AGAP1: variants seen among roughly 807,000 people sequenced by gnomAD.
AGAP1 encodes arf-GAP with GTPase, ANK repeat and PH domain-containing protein 1.
Under a neutral mutation model 105.3 loss-of-function variants are expected in AGAP1, and 29 were observed. The ratio of observed to expected loss-of-function variants is 0.28; its 90% confidence interval spans 0.21 to 0.38. AGAP1 has a LOEUF of 0.38. Among genes scored for constraint, AGAP1 ranks in the 10% least tolerant of loss-of-function variants. AGAP1 has a pLI of 1.00. For synonymous variants in AGAP1, 509 were observed against 485.9 expected, an observed-to-expected ratio of 1.05 and a Z score of -0.63; for missense variants, 998 against 1,165.1, an observed-to-expected ratio of 0.86 and a Z score of 2.09.
chr2:235,640,965 C>G (rs1947170562), intron 1 of AGAP1, among the ~76,000 whole-genome samples: 1 of 152,182 alleles, frequency 6.6e-6, no homozygotes, highest in African/African-American at 2.4e-5. Context: ...ATAACAGTGT[C>G]TTTTATAGTT....
At chr2:235,986,081 T>C (rs2055302641) in intron 13 of AGAP1, among the ~76,000 whole-genome samples, 1 of 152,238 alleles carries the variant, frequency 6.6e-6, no homozygotes, top group African/African-American at 2.4e-5. Flanking sequence ...TTTCATGATA[T>C]TGATTCTTCC....
chr2:235,795,426 AT>A (rs1253222244), intron 6 of AGAP1, among the ~76,000 whole-genome samples: 3 of 152,204 alleles, frequency 2.0e-5, no homozygotes, highest in African/African-American at 7.2e-5. Context: ...ATGGGCAGAC[AT>A]TACAAAGGAG....
chr2:235,930,772 C>T lies in AGAP1; in HGVS notation c.1332C>T (p.Val444=), dbSNP rs746719348. The T allele has an allele frequency of 5.6e-6, 9 of 1,613,806 alleles. No homozygotes were observed. In the South Asian group the frequency reaches 9.9e-5, roughly 18 times the overall value. The change falls in exon 12 of 18, where the codon GTC becomes GTT. Residue 444 remains valine, a synonymous_variant. Transcript: ENST00000304032. The surrounding 1 kb of genome is among the most constrained non-coding windows in gnomAD (Gnocchi z 7.9). ...SLHISPNSGN[V]TSASGSQMAS... is the part of the protein sequence containing the mutation. ...TGACTTGTTTATTCCTAGGGAATGT[C>T]ACTAGTGCATCTGGGTCTCAGATGG...
chr2:235,527,957 A>G (rs10208801), intron 1 of AGAP1, among the ~76,000 whole-genome samples: 4,912 of 152,262 alleles, frequency 0.032, 287 homozygotes, highest in African/African-American at 0.11. Context: ...TATCATCTTG[A>G]GTACACAGAT....
At chr2:235,527,702 A>G (rs1337134238) in intron 1 of AGAP1, among the ~76,000 whole-genome samples, 4 of 152,086 alleles carry the variant, frequency 2.6e-5, no homozygotes, top group Non-Finnish European at 5.9e-5. Flanking sequence ...TTAAACATCT[A>G]TAATTTGTGT....
chr2:235,787,163 C>G lies in AGAP1; in HGVS notation c.674-10596C>G, dbSNP rs555552950. 2.6e-5 allele frequency among the ~76,000 whole-genome samples: 4 copies of G among 152,322 alleles called. No individual in the cohort carries two copies. Among genetic ancestry groups the G allele is most frequent in the African/African-American group, 9.6e-5 (4 of 41,580 alleles). On this transcript the variant is annotated intron_variant, in intron 6 of 17. Coordinates refer to ENST00000304032, the MANE Select transcript of AGAP1 (RefSeq NM_001037131.3). The surrounding 1 kb of genome is among the most constrained non-coding windows in gnomAD (Gnocchi z 4.4). Reference sequence around the variant, plus strand: ...CTTTGAGTTCTCAGGCTTCTCCCCTCTCCTGTTGTAAGAGTTGAGCTAGCA... The same window carrying G: ...CTTTGAGTTCTCAGGCTTCTCCCCTGTCCTGTTGTAAGAGTTGAGCTAGCA...
rs920064024 is a variant in AGAP1, at chr2:235,882,726, C to T, written c.1051-619C>T. ...CTGACCTCAGGTGATCTGCCCACCTCGGCCTCCCAAAGTTCTGGGATTACA... is the reference window on the plus strand; with the variant it reads ...CTGACCTCAGGTGATCTGCCCACCTTGGCCTCCCAAAGTTCTGGGATTACA... On this transcript the variant is annotated intron_variant, in intron 9 of 17. Coordinates refer to ENST00000304032, the MANE Select transcript of AGAP1 (RefSeq NM_001037131.3). The surrounding 1 kb of genome is among the most constrained non-coding windows in gnomAD (Gnocchi z 4.6). 3.9e-5 allele frequency among the ~76,000 whole-genome samples: 6 copies of T among 152,204 alleles called. No individual in the cohort carries two copies. The highest frequency in any genetic ancestry group is 1.2e-4 in the African/African-American group (5 of 41,448).
At position 235,867,643 on chromosome 2, in the gene AGAP1, G is replaced by C. The variant is rs933440627; in HGVS notation, c.1051-15702G>C. Among the ~76,000 whole-genome samples, 1 of 151,598 alleles carries C rather than the reference G, an allele frequency of 6.6e-6. No individual in the cohort carries two copies. Among genetic ancestry groups the C allele is most frequent in the Non-Finnish European group, 1.5e-5 (1 of 67,990 alleles). On this transcript the variant is annotated intron_variant, in intron 9 of 17. Transcript: ENST00000304032. The surrounding 1 kb of genome is among the most constrained non-coding windows in gnomAD (Gnocchi z 5.4). ...TGGATTTTCACTGTCTTGGGTCCAG[G>C]CCTATTTCTAGCTAAGTGTTATCTG...
intron 13 of AGAP1, among the ~76,000 whole-genome samples, chr2:235,978,849 G>A (rs1044753739): frequency 6.6e-6 from 1 of 152,114 alleles, no homozygotes; most frequent in African/African-American, 2.4e-5. Flanking sequence ...TTCTCAGGAG[G>A]CCTGTTGTGT....
intron 9 of AGAP1, among the ~76,000 whole-genome samples, chr2:235,814,813 G>T (rs1251985149): frequency 6.6e-6 from 1 of 152,164 alleles, no homozygotes; most frequent in African/African-American, 2.4e-5. Flanking sequence ...GGAGGAAGTG[G>T]GGAGGAGGGT....
Position 235,777,683 on chromosome 2 carries a change from A to G in AGAP1, c.674-20076A>G, listed in dbSNP as rs147349139. ...CTGAGCACGTTCAAGCCTCCTGCCC[A>G]GCACCTTCCTAGAGCACCGCCATTG... is the stretch of plus-strand genomic sequence containing the variant. On this transcript the variant is annotated intron_variant, in intron 6 of 17. Transcript: ENST00000304032. The surrounding 1 kb of genome is among the most constrained non-coding windows in gnomAD (Gnocchi z 5.1). Among the ~76,000 whole-genome samples, 2,088 of 152,296 alleles carry G rather than the reference A, an allele frequency of 0.014. 20 individuals are homozygous for G. Among genetic ancestry groups the G allele is most frequent in the Non-Finnish European group, 0.022 (1,469 of 68,022 alleles).
Position 236,061,927 on chromosome 2 carries a change from G to A in AGAP1, c.2114+12646G>A, listed in dbSNP as rs900404102. Among the ~76,000 whole-genome samples the A allele has an allele frequency of 1.3e-5, 2 of 152,076 alleles. No individual in the cohort carries two copies. The highest frequency in any genetic ancestry group is 4.8e-5 in the African/African-American group (2 of 41,412). On this transcript the variant is annotated intron_variant, in intron 16 of 17. Coordinates refer to ENST00000304032, the MANE Select transcript of AGAP1 (RefSeq NM_001037131.3). The surrounding 1 kb of genome is among the most constrained non-coding windows in gnomAD (Gnocchi z 4.1). Reference sequence around the variant, plus strand: ...TCCAAAGGAAAACAGATGAGCCAGGGCGTTCCACAAAGAGCAGCTGGAGCA... The same window carrying A: ...TCCAAAGGAAAACAGATGAGCCAGGACGTTCCACAAAGAGCAGCTGGAGCA...
Position 235,739,082 on chromosome 2 carries a change from C to T in AGAP1, c.311-1881C>T, listed in dbSNP as rs541510564. On this transcript the variant is annotated intron_variant, in intron 3 of 17. Transcript: ENST00000304032. This position sits in a 1 kb window ranked among gnomAD's most constrained non-coding sequence, Gnocchi z 5.3. Reference sequence around the variant, plus strand: ...ATTTCAAATAAGACTGGGTCGGGTACTGTTCAGGGTGCTTTGTGTCAACTT... The same window carrying T: ...ATTTCAAATAAGACTGGGTCGGGTATTGTTCAGGGTGCTTTGTGTCAACTT... Among the ~76,000 whole-genome samples the T allele has an allele frequency of 1.3e-5, 2 of 152,140 alleles. No homozygotes were observed. Among genetic ancestry groups the T allele is most frequent in the Non-Finnish European group, 2.9e-5 (2 of 68,048 alleles).
Position 235,989,476 on chromosome 2 carries a change from G to A in AGAP1, c.1645+20853G>A, listed in dbSNP as rs1248889876. Among the ~76,000 whole-genome samples the A allele has an allele frequency of 6.6e-6, 1 of 152,040 alleles. No individual in the cohort carries two copies. Among genetic ancestry groups the A allele is most frequent in the Non-Finnish European group, 1.5e-5 (1 of 68,004 alleles). ...GGAGAGGTGGGTGCTGGGACAGGAT[G>A]AGCTGGGCTGGAGGAGGGTTTGCCC... On this transcript the variant is annotated intron_variant, in intron 13 of 17. Coordinates refer to ENST00000304032, the MANE Select transcript of AGAP1 (RefSeq NM_001037131.3). This position sits in a 1 kb window ranked among gnomAD's most constrained non-coding sequence, Gnocchi z 4.4.
chr2:235,699,076 C>T (rs879756633), intron 1 of AGAP1, among the ~76,000 whole-genome samples: 3 of 151,342 alleles, frequency 2.0e-5, no homozygotes, highest in African/African-American at 4.8e-5. Flanking sequence ...ACATCCCCCC[C>T]CCCCACCCCA....
chr2:235,948,701 G>C (rs1178157985), intron 12 of AGAP1, among the ~76,000 whole-genome samples: 1 of 152,158 alleles, frequency 6.6e-6, no homozygotes, highest in Non-Finnish European at 1.5e-5. Context: ...GCAGAGGCGG[G>C]TGTTTGAGAC....
rs1283843956 is a variant in AGAP1 at position 235,559,298 on chromosome 2, C to G, written c.163+64449C>G. Among the ~76,000 whole-genome samples the G allele has an allele frequency of 6.6e-6, 1 of 151,920 alleles. No homozygotes were observed. Among genetic ancestry groups the G allele is most frequent in the African/African-American group, 2.4e-5 (1 of 41,326 alleles). On this transcript the variant is annotated intron_variant, in intron 1 of 17. Transcript: ENST00000304032. The surrounding 1 kb of genome is among the most constrained non-coding windows in gnomAD (Gnocchi z 5.7). ...ACGATGAAGGGGTGATTTGGGTGTC[C>G]CAAGACTGTTTGGAAGGTTGTTCTG... is the stretch of plus-strand genomic sequence containing the variant.
intron 9 of AGAP1, among the ~76,000 whole-genome samples, chr2:235,870,904 CTG>C (rs1288796332): frequency 1.3e-5 from 2 of 152,216 alleles, no homozygotes; most frequent in Non-Finnish European, 2.9e-5. Context: ...TGAACTTTCT[CTG>C]TGCATTTTAA....
Position 235,550,675 on chromosome 2 carries a change from G to A in AGAP1, c.163+55826G>A, listed in dbSNP as rs1943775803. ...TCAGCACCATCCACACCTGAGGCGT[G>A]GGGATCTCCGGGCATGATGCGGAAT... On this transcript the variant is annotated intron_variant, in intron 1 of 17. Coordinates refer to ENST00000304032, the MANE Select transcript of AGAP1 (RefSeq NM_001037131.3). This position sits in a 1 kb window ranked among gnomAD's most constrained non-coding sequence, Gnocchi z 4.6. Among the ~76,000 whole-genome samples the A allele has an allele frequency of 6.6e-6, 1 of 152,218 alleles. No homozygotes were observed. Among genetic ancestry groups the A allele is most frequent in the Admixed American group, 6.5e-5 (1 of 15,282 alleles).
Sources: allele counts gnomAD v4.1 joint callset (sites outside exome capture counted in the v4.1 genomes callset), GRCh38; gene constraint gnomAD v4.1.1; non-coding constraint Gnocchi (gnomAD v3.1); transcripts MANE v1.5; gene names NCBI Gene and HGNC (gene_info 2026-07-23, HGNC 2026-07-21).